ADARB2: variants seen among roughly 807,000 people sequenced by gnomAD.
The protein encoded by ADARB2 is adenosine deaminase RNA specific B2 (inactive), also known as inactive double-stranded RNA-specific editase B2.
ADARB2 carries 25 observed loss-of-function variants against 62.2 expected under a neutral mutation model. The ratio of observed to expected loss-of-function variants is 0.40; its 90% CI spans 0.29 to 0.56. The LOEUF (loss-of-function observed/expected upper bound fraction) is 0.56. ADARB2 is among the 20% of genes least tolerant of loss of function. The pLI is 0.43. For missense variants in ADARB2, 1,071 were observed against 1,077.4 expected (o/e 0.99, Z 0.08); for synonymous variants, 572 against 500.8 (o/e 1.14, Z -1.90).
chr10:1,230,731 G>GT (rs1564228626), intron 6 of ADARB2, among the ~76,000 whole-genome samples: 1 of 152,176 alleles, frequency 6.6e-6, no homozygotes, highest in East Asian at 1.9e-4. Flanking sequence ...ATGAGTCCCT[G>GT]TTATAGGAGA....
intron 1 of ADARB2, among the ~76,000 whole-genome samples, chr10:1,413,900 T>G (rs2131880877): frequency 6.6e-6 from 1 of 152,338 alleles, no homozygotes; most frequent in East Asian, 1.9e-4. Context: ...TGAGTTCAGT[T>G]AAGCAGGTAA....
intron 1 of ADARB2, among the ~76,000 whole-genome samples, chr10:1,516,707 G>A (rs1050680607): frequency 1.3e-5 from 2 of 152,196 alleles, no homozygotes; most frequent in Admixed American, 1.3e-4. Context: ...GCAGCTCCCC[G>A]CGGAGGCCCC....
chr10:1,673,558 C>G (rs1320953909), intron 1 of ADARB2, among the ~76,000 whole-genome samples: 1 of 152,150 alleles, frequency 6.6e-6, no homozygotes, highest in African/African-American at 2.4e-5. Context: ...TCGCTTAGAC[C>G]TTATTGAAGT....
At chr10:1,352,392 C>T (rs1320273795) in intron 3 of ADARB2, among the ~76,000 whole-genome samples, 1 of 152,202 alleles carries the variant, frequency 6.6e-6, no homozygotes, top group African/African-American at 2.4e-5. Context: ...TCCTCTTCCA[C>T]TTCCTTGAAG....
chr10:1,690,903 A>T (rs1309888184), intron 1 of ADARB2, among the ~76,000 whole-genome samples: 1 of 152,148 alleles, frequency 6.6e-6, no homozygotes, highest in African/African-American at 2.4e-5. Context: ...CAAAACGCGC[A>T]TCTATCCCTG....
At chr10:1,347,832 A>AT (rs1422147949) in intron 3 of ADARB2, among the ~76,000 whole-genome samples, 1 of 152,142 alleles carries the variant, frequency 6.6e-6, no homozygotes, top group Non-Finnish European at 1.5e-5. Context: ...GCTCAGGGTA[A>AT]TTGGGAGATG....
intron 1 of ADARB2, among the ~76,000 whole-genome samples, chr10:1,499,390 A>ATCAG (rs999582613): frequency 7.9e-5 from 12 of 151,612 alleles, no homozygotes; most frequent in African/African-American, 2.7e-4. Flanking sequence ...TTACCCATGT[A>ATCAG]TCAGTCATTA....
chr10:1,702,216 A>G (rs796902074), intron 1 of ADARB2, among the ~76,000 whole-genome samples: 13 of 152,386 alleles, frequency 8.5e-5, no homozygotes, highest in African/African-American at 3.1e-4. Context: ...GCAAATATAC[A>G]GACTTAAGTA....
intron 6 of ADARB2, among the ~76,000 whole-genome samples, chr10:1,224,493 T>C (rs1327178304): frequency 6.6e-5 from 10 of 152,098 alleles, no homozygotes; most frequent in African/African-American, 2.2e-4. Context: ...GCTCTTGCTT[T>C]TCTAGTTCTT....
At chr10:1,614,683 G>A (rs889394965) in intron 1 of ADARB2, among the ~76,000 whole-genome samples, 6 of 152,248 alleles carry the variant, frequency 3.9e-5, no homozygotes, top group Non-Finnish European at 8.8e-5. Context: ...AGGCCGAGGC[G>A]GGCGGATCAC....
intron 1 of ADARB2, among the ~76,000 whole-genome samples, chr10:1,443,966 T>TATCC (rs1379056109): frequency 1.3e-5 from 2 of 152,026 alleles, no homozygotes; most frequent in Admixed American, 1.3e-4. Flanking sequence ...TCTGTCCATC[T>TATCC]ATCCATCCAT....
intron 1 of ADARB2, among the ~76,000 whole-genome samples, chr10:1,601,382 A>G (rs1016177341): frequency 3.9e-5 from 6 of 152,220 alleles, no homozygotes; most frequent in African/African-American, 1.4e-4. Flanking sequence ...TTTTCTTGCC[A>G]GCATGCCCTT....
intron 1 of ADARB2, among the ~76,000 whole-genome samples, chr10:1,445,643 C>T (rs1173850169): frequency 2.0e-5 from 3 of 152,248 alleles, no homozygotes; most frequent in African/African-American, 7.2e-5. Context: ...TAGAACCATG[C>T]TCTTAAAAAC....
chr10:1,354,841 A>G (rs1832178429), intron 3 of ADARB2, among the ~76,000 whole-genome samples: 1 of 152,186 alleles, frequency 6.6e-6, no homozygotes, highest in Admixed American at 6.5e-5. Context: ...AGCCATCCTA[A>G]TGGAGCCATT....
intron 2 of ADARB2, among the ~76,000 whole-genome samples, chr10:1,368,923 T>C (rs552139602): frequency 1.3e-5 from 2 of 150,252 alleles, no homozygotes; most frequent in South Asian, 4.2e-4. Flanking sequence ...TGCCCTGTGG[T>C]CCTGTGGCAG....
intron 4 of ADARB2, among the ~76,000 whole-genome samples, chr10:1,244,336 A>G (rs1397078258): frequency 6.6e-6 from 1 of 152,250 alleles, no homozygotes; most frequent in East Asian, 1.9e-4. Context: ...AACGATTCCT[A>G]ACCAGTTTCA....
chr10:1,327,796 CCTCCTCACAGTTCAGCAT>C lies in ADARB2; in HGVS notation c.1077+35214_1077+35231del, dbSNP rs1202342526. Among the ~76,000 whole-genome samples, 6 of 131,424 alleles carry C rather than the reference CCTCCTCACAGTTCAGCAT, an allele frequency of 4.6e-5. No homozygotes were observed. In the South Asian group the frequency reaches 7.1e-4, roughly 16 times the overall value. 86.2% of individuals were successfully genotyped at this position (131,424 alleles called of 152,430 possible). ...CTCAGCGCCTCCCCACAGCACAGCG[CCTCCTCACAGTTCAGCAT>C]CTCCTCACAGCTCAGCACCTCACAG... On this transcript the variant is annotated intron_variant, in intron 3 of 9. Coordinates refer to ENST00000381312, the MANE Select transcript of ADARB2 (RefSeq NM_018702.4).
intron 1 of ADARB2, among the ~76,000 whole-genome samples, chr10:1,525,667 T>C (rs1832131052): frequency 6.6e-6 from 1 of 152,216 alleles, no homozygotes; most frequent in East Asian, 1.9e-4. Context: ...ACAGGGTGGC[T>C]TGCAGAAGAC....
chr10:1,567,765 G>T (rs908045087), intron 1 of ADARB2, among the ~76,000 whole-genome samples: 58 of 152,192 alleles, frequency 3.8e-4, no homozygotes, highest in Non-Finnish European at 6.9e-4. Context: ...ACAAGGATTC[G>T]TCCACTACCA....
Sources: allele counts gnomAD v4.1 joint callset (sites outside exome capture counted in the v4.1 genomes callset), GRCh38; gene constraint gnomAD v4.1.1; transcripts MANE v1.5; gene names NCBI Gene and HGNC (gene_info 2026-07-23, HGNC 2026-07-21).